The following CITED2 variants were observed in gnomAD, a reference collection of about 807,000 sequenced individuals.
The protein encoded by CITED2 is cbp/p300-interacting transactivator 2.
In CITED2, 2 loss-of-function variants were observed where a neutral mutation model predicts 11.8. The ratio of observed to expected loss-of-function variants is 0.17; its 90% CI spans 0.07 to 0.54. The LOEUF (loss-of-function observed/expected upper bound fraction) is 0.54, where lower values mean the gene tolerates loss of function less well. Among genes scored for constraint, CITED2 ranks in the 20% least tolerant of loss-of-function variants. CITED2 has a pLI of 0.94. For missense variants in CITED2, 437 were observed against 390.2 expected (o/e 1.12, Z -1.01); for synonymous variants, 210 against 153.0 (o/e 1.37, Z -2.75).
In CITED2 at chr6:139,373,251, C is replaced by T; in HGVS notation, c.694G>A (p.Val232Met). The T allele has an allele frequency of 6.2e-7, 1 of 1,614,196 alleles. No individual in the cohort carries two copies. Among genetic ancestry groups the T allele is most frequent in the Non-Finnish European group, 8.5e-7 (1 of 1,180,042 alleles). ...ATGCGGTCCAAACCCATTTCTATCA[C>T]CAAGGACATAAGAACTTCCTCGTCG... ...FIDEEVLMSL[V>M]IEMGLDRIKE... The change falls in exon 2 of 2, where the codon GTG (valine) becomes ATG (methionine). Residue 232 changes from valine to methionine, a missense_variant. Physicochemically the swap from Val to Met is conservative, Grantham distance 21 (BLOSUM62 1). This residue lies in a region of CITED2 where 20 missense variants were observed against 44.5 expected (regional missense o/e 0.45). Coordinates refer to ENST00000367651, the MANE Select transcript of CITED2 (RefSeq NM_006079.5).
chr6:139,372,815 C>CT lies in CITED2; in HGVS notation c.*316dup, dbSNP rs1217299296. 19 of 387,000 alleles carry CT rather than the reference C, an allele frequency of 4.9e-5. No individual in the cohort carries two copies. The highest frequency in any genetic ancestry group is 1.1e-4 in the Admixed American group (3 of 27,308). The allele number at this position is 387,000 out of a possible 1,614,324, so 24.0% of individuals were successfully genotyped here. A position where few individuals can be genotyped will look rare whatever the true frequency, so the allele number is the denominator to read the frequency against. On this transcript the variant is annotated 3_prime_UTR_variant, in exon 2 of 2. Transcript: ENST00000367651. ...TTAAGCAGTTTGCCAAGATTAATAT[C>CT]TAACAGTTGAGCACTGGAGAAAGTG...
Position 139,372,058 on chromosome 6 carries a change from T to C in CITED2, c.*1074A>G, listed in dbSNP as rs1050702190. On this transcript the variant is annotated 3_prime_UTR_variant, in exon 2 of 2. Transcript: ENST00000367651. ...TTTGATTAAAGCACACCAAGAGGCA[T>C]GTTACAATGATAACAATGAAGCATT... The C allele has an allele frequency of 3.3e-5, 5 of 151,782 alleles. No individual in the cohort carries two copies. The highest frequency in any genetic ancestry group is 7.3e-5 in the African/African-American group (3 of 41,324). 9.4% of individuals were successfully genotyped at this position (151,782 alleles called of 1,614,324 possible). A position where few individuals can be genotyped will look rare whatever the true frequency, so the allele number is the denominator to read the frequency against.
rs1367267948 is a variant in CITED2 at position 139,373,823 on chromosome 6, T to C, written c.122A>G (p.Gln41Arg). 6.2e-7 allele frequency: 1 copy of C among 1,607,978 alleles called. No individual in the cohort carries two copies. The part of the protein sequence containing the change: ...GQFPSPHHHQ[Q>R]QQPQHAFNAL... ...GTTGAAGGCGTGCTGGGGCTGCTGCTGCTGGTGGTGATGGGGGCTCGGGAA... is the reference window on the plus strand; with the variant it reads ...GTTGAAGGCGTGCTGGGGCTGCTGCCGCTGGTGGTGATGGGGGCTCGGGAA... Residue 41 changes from glutamine to arginine, a missense_variant, in exon 2 of 2, where the codon CAG (glutamine) becomes CGG (arginine). Gln to Arg is a conservative substitution (Grantham distance 43, BLOSUM62 1). Around this residue, in one of 3 missense-constraint regions of CITED2, gnomAD observed 396 missense variants for 325.2 expected, o/e 1.22. Transcript: ENST00000367651.
At chr6:139,374,016 C>CA in intron 1 of CITED2, 64 bp from the exon 2 acceptor site, 1 of 1,538,596 alleles carries the variant, frequency 6.5e-7, no homozygotes, top group African/African-American at 1.4e-5. Flanking sequence ...CAGCGCACCC[C>CA]ACTTTTGCTC....
Position 139,372,949 on chromosome 6 carries a change from G to T in CITED2, c.*183C>A, listed in dbSNP as rs1778280230. ...GGCTACAAAAACGAAACAAAAACAGGAAAAAAAAGTGGCAGCAATTTTTTT... is the reference window on the plus strand; with the variant it reads ...GGCTACAAAAACGAAACAAAAACAGTAAAAAAAAGTGGCAGCAATTTTTTT... On this transcript the variant is annotated 3_prime_UTR_variant, in exon 2 of 2. Coordinates refer to ENST00000367651, the MANE Select transcript of CITED2 (RefSeq NM_006079.5). The T allele has an allele frequency of 1.5e-6, 1 of 658,170 alleles. No individual in the cohort carries two copies. 40.8% of individuals were successfully genotyped at this position (658,170 alleles called of 1,614,324 possible).
At position 139,374,220 on chromosome 6, in the gene CITED2, G is replaced by T. The variant is rs1022083925; in HGVS notation, c.-9+193C>A. 2.7e-5 allele frequency: 38 copies of T among 1,429,272 alleles called. No individual in the cohort carries two copies. In the African/African-American group the frequency reaches 4.9e-4, roughly 18 times the overall value. 88.5% of individuals were successfully genotyped at this position (1,429,272 alleles called of 1,614,324 possible). A position where few individuals can be genotyped will look rare whatever the true frequency, so the allele number is the denominator to read the frequency against. On this transcript the variant is annotated intron_variant, in intron 1 of 1. Transcript: ENST00000367651. ...CGAGCCCACACCCCCTTTGCTCCCC[G>T]AAGTGGCCTAATAAAGGAAGTGCCC...
chr6:139,374,456 C>T lies in CITED2; in HGVS notation c.-52G>A, dbSNP rs1804687. ...CTGCTCCGAAGACCGAGGGCGGGCT[C>T]GTCGCGTCCAGGACCGGCTCAGCAG... On this transcript the variant is annotated 5_prime_UTR_variant, in exon 1 of 2. Coordinates refer to ENST00000367651, the MANE Select transcript of CITED2 (RefSeq NM_006079.5). 4.5e-5 allele frequency: 16 copies of T among 352,644 alleles called. No individual in the cohort carries two copies. The South Asian group carries it at 1.0e-3, about 23-fold the overall frequency. The allele number at this position is 352,644 out of a possible 1,614,324, so 21.8% of individuals were successfully genotyped here.
chr6:139,374,418 G>A lies in CITED2; in HGVS notation c.-14C>T. On this transcript the variant is annotated 5_prime_UTR_variant, in exon 1 of 2. It adds an upstream start codon to the 5' untranslated region. Transcript: ENST00000367651. ...GCTTCGCCCGTCGCGCTTACCTTCC[G>A]TTTTTGCGATTTCTGCTCCGAAGAC... 1 of 429,674 alleles carries A rather than the reference G, an allele frequency of 2.3e-6. No individual in the cohort carries two copies. Among genetic ancestry groups the A allele is most frequent in the South Asian group, 5.9e-5 (1 of 17,046 alleles). 26.6% of individuals were successfully genotyped at this position (429,674 alleles called of 1,614,324 possible). A position where few individuals can be genotyped will look rare whatever the true frequency, so the allele number is the denominator to read the frequency against.
At chr6:139,374,295 T>C (rs1382693131) in intron 1 of CITED2, 118 bp downstream of exon 1, 2 of 883,252 alleles carry the variant, frequency 2.3e-6, no homozygotes, top group African/African-American at 1.7e-5. Context: ...CCTCATCCTG[T>C]TGTTGCACAT....
At position 139,373,104 on chromosome 6, in the gene CITED2, G is replaced by C; in HGVS notation, c.*28C>G. 1.3e-6 allele frequency: 2 copies of C among 1,598,148 alleles called. No individual in the cohort carries two copies. Among genetic ancestry groups the C allele is most frequent in the African/African-American group, 1.3e-5 (1 of 74,746 alleles). ...TTCACGCCGAAGAAGTTGGGGGTTTGATTTCTTTCGCCGGGGTTTCGATCG... is the reference window on the plus strand; with the variant it reads ...TTCACGCCGAAGAAGTTGGGGGTTTCATTTCTTTCGCCGGGGTTTCGATCG... On this transcript the variant is annotated 3_prime_UTR_variant, in exon 2 of 2. Coordinates refer to ENST00000367651, the MANE Select transcript of CITED2 (RefSeq NM_006079.5).
chr6:139,374,260 G>A (rs1357089564), intron 1 of CITED2, 153 bp downstream of exon 1: 70 of 1,287,448 alleles, frequency 5.4e-5, no homozygotes, highest in Non-Finnish European at 6.5e-5. Flanking sequence ...GCCCTGCTGC[G>A]AACTTCAGGC....
At chr6:139,374,329 C>T in intron 1 of CITED2, 84 bp downstream of exon 1, 1 of 659,920 alleles carries the variant, frequency 1.5e-6, no homozygotes, top group Non-Finnish European at 2.4e-6. Context: ...CCCAGCTTCG[C>T]CTCACGCTCT....
Position 139,373,495 on chromosome 6 carries a change from GTTT to G in CITED2, c.447_449del (p.Asn150del). 6.2e-7 allele frequency: 1 copy of G among 1,612,612 alleles called. No individual in the cohort carries two copies. On this transcript the variant is annotated inframe_deletion, in exon 2 of 2. Transcript: ENST00000367651. ...TGGGGTTGCAATCTCGGAAGTGCTG[GTTT>G]GTCCCGTTCATCTGGTGGCCTGCAG...
Position 139,372,994 on chromosome 6 carries a change from T to G in CITED2, c.*138A>C. On this transcript the variant is annotated 3_prime_UTR_variant, in exon 2 of 2. Coordinates refer to ENST00000367651, the MANE Select transcript of CITED2 (RefSeq NM_006079.5). ...TTTTTTTAAAACCAATTTGTACAAG[T>G]TTATAGTTTACTTTGTTTCCAAGTT... 4.3e-6 allele frequency: 4 copies of G among 932,388 alleles called. No individual in the cohort carries two copies. The highest frequency in any genetic ancestry group is 1.3e-5 in the South Asian group (1 of 74,648). 57.8% of individuals were successfully genotyped at this position (932,388 alleles called of 1,614,324 possible). A position where few individuals can be genotyped will look rare whatever the true frequency, so the allele number is the denominator to read the frequency against.
chr6:139,374,357 G>T (rs1235203381), intron 1 of CITED2, 56 bp downstream of exon 1: 2 of 564,316 alleles, frequency 3.5e-6, no homozygotes, highest in Non-Finnish European at 5.9e-6. Flanking sequence ...GGCAAACCCT[G>T]CCCTCGGAGG....
chr6:139,374,077 C>T (rs1221866505), intron 1 of CITED2, 125 bp from the exon 2 acceptor site: 40 of 1,523,276 alleles, frequency 2.6e-5, no homozygotes, highest in Non-Finnish European at 3.3e-5. Context: ...AACCACCACC[C>T]CCAAGATCCC....
In CITED2 at chr6:139,372,336, C is replaced by T. The variant is rs1778259760; in HGVS notation, c.*796G>A. Reference sequence around the variant, plus strand: ...TATTTTTTCAAAAAAATGTTTTGTACAAAAATACTGTCAAAATTTCCTAAA... The same window carrying T: ...TATTTTTTCAAAAAAATGTTTTGTATAAAAATACTGTCAAAATTTCCTAAA... On this transcript the variant is annotated 3_prime_UTR_variant, in exon 2 of 2. Transcript: ENST00000367651. 6.6e-6 allele frequency: 1 copy of T among 152,422 alleles called. No homozygotes were observed. The highest frequency in any genetic ancestry group is 2.1e-4 in the South Asian group (1 of 4,822). 9.4% of individuals were successfully genotyped at this position (152,422 alleles called of 1,614,324 possible).
chr6:139,374,062 C>T (rs929009045), intron 1 of CITED2, 110 bp from the exon 2 acceptor site: 3 of 1,525,940 alleles, frequency 2.0e-6, no homozygotes, highest in African/African-American at 2.7e-5. Context: ...CGCACGTCGG[C>T]TGCGAACCAC....
In CITED2 at chr6:139,372,988, T is replaced by A. The variant is rs1778281409; in HGVS notation, c.*144A>T. ...AGCAATTTTTTTTAAAACCAATTTG[T>A]ACAAGTTTATAGTTTACTTTGTTTC... is the stretch of plus-strand genomic sequence containing the variant. On this transcript the variant is annotated 3_prime_UTR_variant, in exon 2 of 2. Coordinates refer to ENST00000367651, the MANE Select transcript of CITED2 (RefSeq NM_006079.5). The A allele has an allele frequency of 1.1e-6, 1 of 899,016 alleles. No individual in the cohort carries two copies. The highest frequency in any genetic ancestry group is 1.7e-5 in the African/African-American group (1 of 59,814). The allele number at this position is 899,016 out of a possible 1,614,324, so 55.7% of individuals were successfully genotyped here.
Sources: gnomAD v4.1 joint callset for allele counts on GRCh38, gnomAD v4.1.1 for gene constraint, gnomAD v4.1.1 regional missense constraint, MANE v1.5 for transcripts, NCBI Gene and HGNC (gene_info 2026-07-23, HGNC 2026-07-21) for gene names.